Variants in CLCN5 observed in about 807,000 individuals in gnomAD.
The protein encoded by CLCN5 is Cl-/H+ antiporter 5, also known as H(+)/Cl(-) exchange transporter 5.
Under a neutral mutation model 54.0 loss-of-function variants are expected in CLCN5, and 17 were observed. The observed-to-expected ratio is 0.31, with a 90% CI of 0.22 to 0.47. CLCN5 has a LOEUF of 0.47. Among genes scored for constraint, CLCN5 ranks in the 20% least tolerant of loss-of-function variants. The pLI is 1.00. For synonymous variants in CLCN5, 222 were observed against 233.0 expected, an observed-to-expected ratio of 0.95 and a Z score of 0.43; for missense variants, 448 against 646.7, an observed-to-expected ratio of 0.69 and a Z score of 3.33.
chrX:49,953,718 C>T (rs1227127671), intron 3 of CLCN5, among the ~76,000 whole-genome samples: 1 of 112,136 alleles, frequency 8.9e-6, no homozygotes, highest in African/African-American at 3.2e-5. Flanking sequence ...ACATGTGCTA[C>T]AGTGAATGTC....
intron 3 of CLCN5, among the ~76,000 whole-genome samples, chrX:50,002,494 T>G (rs142037390): frequency 0.017 from 1,854 of 112,085 alleles, 19 homozygotes; most frequent in Non-Finnish European, 0.025. Flanking sequence ...TGTCAAATCT[T>G]GTTGGCTCTA....
intron 3 of CLCN5, among the ~76,000 whole-genome samples, chrX:49,981,731 C>T (rs1314877028): frequency 4.7e-5 from 5 of 106,204 alleles, no homozygotes; most frequent in African/African-American, 1.7e-4. Flanking sequence ...CAAAAGAACT[C>T]AGAGAATAAT....
intron 7 of CLCN5, among the ~76,000 whole-genome samples, chrX:50,078,941 G>A (rs1363519276): frequency 8.9e-6 from 1 of 111,904 alleles, no homozygotes; most frequent in Non-Finnish European, 1.9e-5. Flanking sequence ...TCCTGCCTCA[G>A]CCTCCCAAGT....
Position 49,922,627 on chromosome X carries a change from G to C in CLCN5, c.-370G>C, listed in dbSNP as rs781793983. ...CGCGAGGCGCCCTGTCACATGAGCC[G>C]CGCGCCCGCTTCGCTCCCCCTCCTC... On this transcript the variant is annotated 5_prime_UTR_variant, in exon 1 of 15. Coordinates refer to ENST00000376091, the MANE Select transcript of CLCN5 (RefSeq NM_001127898.4). 1 of 113,089 alleles carries C rather than the reference G, an allele frequency of 8.8e-6. No individual in the cohort carries two copies. The highest frequency in any genetic ancestry group is 2.8e-4 in the East Asian group (1 of 3,529). 9.3% of individuals were successfully genotyped at this position (113,089 alleles called of 1,213,427 possible).
Position 49,933,451 on chromosome X carries a change from G to A in CLCN5, c.16+8137G>A, listed in dbSNP as rs781849382. The stretch of plus-strand genomic sequence containing the variant: ...AGCACACAGTTGTGGAGGGAGCACA[G>A]GTCTTGGAGTGCGATAACCTGAATC... On this transcript the variant is annotated intron_variant, in intron 3 of 14. Transcript: ENST00000376091. Among the ~76,000 whole-genome samples, 127 of 111,744 alleles carry A rather than the reference G, an allele frequency of 1.1e-3. 1 individual carries two copies. The highest frequency in any genetic ancestry group is 1.9e-3 in the Non-Finnish European group (99 of 53,187).
At chrX:49,973,295 A>AT (rs1486586337) in intron 3 of CLCN5, among the ~76,000 whole-genome samples, 2 of 111,056 alleles carry the variant, frequency 1.8e-5, no homozygotes, top group Non-Finnish European at 3.8e-5. Context: ...AATAATTAGT[A>AT]TTTTTTGCCA....
At chrX:50,036,687 G>A (rs1387337575) in intron 3 of CLCN5, among the ~76,000 whole-genome samples, 1 of 112,050 alleles carries the variant, frequency 8.9e-6, no homozygotes, top group African/African-American at 3.2e-5. Flanking sequence ...TTTGGCTAAT[G>A]TAGAGTTGCT....
At chrX:50,056,642 G>C (rs1235160603) in intron 4 of CLCN5, among the ~76,000 whole-genome samples, 1 of 111,841 alleles carries the variant, frequency 8.9e-6, no homozygotes, top group East Asian at 2.8e-4. Context: ...GGTCATGAAA[G>C]TGAGTTGAGT....
chrX:50,065,054 A>T (rs1932949809), intron 4 of CLCN5, among the ~76,000 whole-genome samples: 1 of 108,038 alleles, frequency 9.3e-6, no homozygotes, highest in Non-Finnish European at 1.9e-5. Context: ...AAACCATAAA[A>T]ACCCTAGAAG....
chrX:50,067,646 A>G (rs1933075324), intron 4 of CLCN5: 1 of 753,008 alleles, frequency 1.3e-6, no homozygotes. Flanking sequence ...GTGCCCTTCT[A>G]AAGCACTTCA....
At chrX:50,003,631 G>A (rs953074414) in intron 3 of CLCN5, 4 of 317,077 alleles carry the variant, frequency 1.3e-5, no homozygotes, top group Admixed American at 9.6e-5. Flanking sequence ...ATACACATAC[G>A]CACTCCTTCA....
chrX:49,927,567 C>T (rs1401341562), intron 3 of CLCN5, among the ~76,000 whole-genome samples: 18 of 112,023 alleles, frequency 1.6e-4, no homozygotes, highest in Admixed American at 1.5e-3. Context: ...TTGGTAGCTA[C>T]GAGGCCTTGG....
intron 6 of CLCN5, among the ~76,000 whole-genome samples, chrX:50,074,256 G>A (rs1376725885): frequency 8.9e-6 from 1 of 112,004 alleles, no homozygotes; most frequent in East Asian, 2.8e-4. Flanking sequence ...AGTTTTGGTA[G>A]TCATAGGAGA....
At chrX:50,079,065 C>T (rs192501063) in intron 7 of CLCN5, among the ~76,000 whole-genome samples, 164 of 111,447 alleles carry the variant, frequency 1.5e-3, no homozygotes, top group African/African-American at 5.1e-3. Context: ...CCTCGTGATC[C>T]GCCCGCCTCG....
intron 3 of CLCN5, chrX:50,008,419 G>A (rs1557181878): frequency 5.8e-6 from 2 of 342,042 alleles, no homozygotes. Context: ...CATTCACAGG[G>A]CTTTGTGTTC....
At chrX:49,929,772 G>GTTTTTTTTTTTT (rs1348714780) in intron 3 of CLCN5, among the ~76,000 whole-genome samples, 1 of 99,772 alleles carries the variant, frequency 1.0e-5, no homozygotes. Flanking sequence ...ATAAATATAG[G>GTTTTTTTTTTTT]TTTTTTGTTT....
chrX:50,093,959 G>C lies in CLCN5; in HGVS notation c.*1740G>C, dbSNP rs1278914064. 1.3e-4 allele frequency: 14 copies of C among 110,720 alleles called. No individual in the cohort carries two copies. The highest frequency in any genetic ancestry group is 4.6e-4 in the African/African-American group (14 of 30,452). 9.1% of individuals were successfully genotyped at this position (110,720 alleles called of 1,213,427 possible). On this transcript the variant is annotated 3_prime_UTR_variant, in exon 15 of 15. Transcript: ENST00000376091. The stretch of plus-strand genomic sequence containing the variant: ...AGAGTTCAGCCTGGATGATTTTATA[G>C]CTCTGTTCCTAGCACTTCTCATCAT...
intron 3 of CLCN5, among the ~76,000 whole-genome samples, chrX:50,012,109 G>GTGTGCATGGATTAC: frequency 9.0e-6 from 1 of 111,541 alleles, no homozygotes; most frequent in East Asian, 2.8e-4. Flanking sequence ...GCATGTTTAA[G>GTGTGCATGGATTAC]AGAAGGAACT....
intron 3 of CLCN5, among the ~76,000 whole-genome samples, chrX:50,033,628 A>C (rs1293270877): frequency 9.0e-6 from 1 of 111,281 alleles, no homozygotes; most frequent in Non-Finnish European, 1.9e-5. Context: ...CATCCCCATC[A>C]AGCTACCAAT....
Sources: gnomAD v4.1 joint callset for allele counts (sites outside exome capture counted in the v4.1 genomes callset) on GRCh38, gnomAD v4.1.1 for gene constraint, MANE v1.5 for transcripts, NCBI Gene and HGNC (gene_info 2026-07-23, HGNC 2026-07-21) for gene names.